Variants in SARNP observed in about 807,000 individuals in gnomAD.
The protein encoded by SARNP is SAP domain-containing ribonucleoprotein.
A neutral mutation model predicts 38.1 loss-of-function variants in SARNP; 5 were observed. That is an observed-to-expected ratio of 0.13 (90% confidence interval 0.07 to 0.28). SARNP has a LOEUF of 0.28. Among genes scored for constraint, SARNP ranks in the 10% least tolerant of loss-of-function variants. The pLI is 1.00. For synonymous variants in SARNP, 84 were observed against 80.6 expected, an observed-to-expected ratio of 1.04 and a Z score of -0.23; for missense variants, 180 against 243.9, an observed-to-expected ratio of 0.74 and a Z score of 1.75.
At chr12:55,756,435 T>G (rs1312717866), downstream of SARNP, 1 of 152,166 alleles carries the variant, frequency 6.6e-6, no homozygotes, top group Non-Finnish European at 1.5e-5. Context: ...GTGATCAAAC[T>G]ATTACCATTT....
chr12:55,772,854 AC>A (rs1879050499), intron 9 of SARNP, among the ~76,000 whole-genome samples: 1 of 151,578 alleles, frequency 6.6e-6, no homozygotes, highest in South Asian at 2.1e-4. Flanking sequence ...AGCTGGGATT[AC>A]AGGCACGCAA....
At chr12:55,788,744 G>A (rs753176281) in intron 9 of SARNP, among the ~76,000 whole-genome samples, 6 of 152,136 alleles carry the variant, frequency 3.9e-5, no homozygotes, top group Non-Finnish European at 8.8e-5. Flanking sequence ...AGCCTGCAGT[G>A]AGCCGTGATC....
At chr12:55,795,724 C>A (rs1156910001) in intron 5 of SARNP, among the ~76,000 whole-genome samples, 1 of 152,122 alleles carries the variant, frequency 6.6e-6, no homozygotes, top group Non-Finnish European at 1.5e-5. Flanking sequence ...GTCACATCTA[C>A]CAATACATTT....
At chr12:55,812,030 T>C (rs1880342512) in intron 1 of SARNP, among the ~76,000 whole-genome samples, 1 of 152,186 alleles carries the variant, frequency 6.6e-6, no homozygotes, top group South Asian at 2.1e-4. Context: ...GTCACTCCTC[T>C]AGTCAAACAT....
At chr12:55,759,638 A>G (rs761722782) in intron 10 of SARNP, among the ~76,000 whole-genome samples, 1 of 152,150 alleles carries the variant, frequency 6.6e-6, no homozygotes, top group Non-Finnish European at 1.5e-5. Flanking sequence ...ATGGGGTTTC[A>G]CCATGTTGGC....
chr12:55,760,422 G>A, intron 10 of SARNP, 129 bp downstream of exon 10: 4 of 615,648 alleles, frequency 6.5e-6, no homozygotes, highest in Non-Finnish European at 1.1e-5. Flanking sequence ...GGGCAACAGA[G>A]ACCCCAACTC....
At chr12:55,778,950 G>A (rs1055897672) in intron 9 of SARNP, among the ~76,000 whole-genome samples, 8 of 152,132 alleles carry the variant, frequency 5.3e-5, no homozygotes, top group African/African-American at 1.4e-4. Context: ...CAGCCTGGGC[G>A]ACAGGGCGAG....
downstream of SARNP, chr12:55,756,246 T>G (rs1313000625): frequency 6.6e-6 from 1 of 152,188 alleles, no homozygotes; most frequent in African/African-American, 2.4e-5. Context: ...TAACCAGCAT[T>G]CCCTTTTGTT....
intron 1 of SARNP, among the ~76,000 whole-genome samples, chr12:55,804,623 C>T (rs939040498): frequency 1.3e-5 from 2 of 152,098 alleles, no homozygotes; most frequent in Admixed American, 1.3e-4. Flanking sequence ...GTATGATTTG[C>T]TACCTATAAG....
Position 55,798,319 on chromosome 12 carries a change from G to A in SARNP, c.251+2243C>T, listed in dbSNP as rs560850430. Reference sequence around the variant, plus strand: ...TTGAGACCAGCCTGGCAAACACGGCGAAACCCCATCTCTACAAAAAATACA... The same window carrying A: ...TTGAGACCAGCCTGGCAAACACGGCAAAACCCCATCTCTACAAAAAATACA... On this transcript the variant is annotated intron_variant, in intron 4 of 10. Coordinates refer to ENST00000336133, the MANE Select transcript of SARNP (RefSeq NM_033082.4). Among the ~76,000 whole-genome samples, 3 of 152,208 alleles carry A rather than the reference G, an allele frequency of 2.0e-5. No homozygotes were observed. In the South Asian group the frequency reaches 6.2e-4, roughly 32 times the overall value.
At chr12:55,789,439 A>G (rs1879598208) in intron 8 of SARNP, among the ~76,000 whole-genome samples, 1 of 152,180 alleles carries the variant, frequency 6.6e-6, no homozygotes, top group Non-Finnish European at 1.5e-5. Flanking sequence ...ACATGTCTAA[A>G]TCATCACCTC....
chr12:55,757,407 G>T lies in SARNP; in HGVS notation c.*105C>A. The T allele has an allele frequency of 3.4e-6, 3 of 878,304 alleles. No individual in the cohort carries two copies. The highest frequency in any genetic ancestry group is 2.8e-5 in the East Asian group (1 of 35,300). 54.4% of individuals were successfully genotyped at this position (878,304 alleles called of 1,614,324 possible). A position where few individuals can be genotyped will look rare whatever the true frequency, so the allele number is the denominator to read the frequency against. On this transcript the variant is annotated 3_prime_UTR_variant, in exon 11 of 11. Coordinates refer to ENST00000336133, the MANE Select transcript of SARNP (RefSeq NM_033082.4). Reference sequence around the variant, plus strand: ...CCTGGGGTACATGCTCCCTCATTGCGAGGCAGGACGTAGGCACATGACTGT... The same window carrying T: ...CCTGGGGTACATGCTCCCTCATTGCTAGGCAGGACGTAGGCACATGACTGT...
intron 9 of SARNP, among the ~76,000 whole-genome samples, chr12:55,777,153 G>A (rs1481340147): frequency 6.6e-6 from 1 of 152,110 alleles, no homozygotes; most frequent in Non-Finnish European, 1.5e-5. Context: ...AAGTTCTTCA[G>A]GTGCAAATTC....
At chr12:55,790,901 T>C (rs1178605562) in intron 7 of SARNP, among the ~76,000 whole-genome samples, 3 of 152,314 alleles carry the variant, frequency 2.0e-5, no homozygotes, top group Middle Eastern at 3.4e-3. Flanking sequence ...TGTACATAAA[T>C]GTTCACAGCA....
chr12:55,778,722 A>G (rs931115817), intron 9 of SARNP, among the ~76,000 whole-genome samples: 8 of 152,226 alleles, frequency 5.3e-5, no homozygotes, highest in African/African-American at 1.4e-4. Context: ...CTGTAATCCC[A>G]GCACTTTGGG....
chr12:55,759,951 T>A (rs966723308), intron 10 of SARNP, among the ~76,000 whole-genome samples: 2 of 151,930 alleles, frequency 1.3e-5, no homozygotes, highest in Non-Finnish European at 2.9e-5. Context: ...TTGCCCAGGC[T>A]GGTCTCAAAC....
chr12:55,767,848 GAAAAAAAA>G (rs767928003), intron 9 of SARNP, among the ~76,000 whole-genome samples: 2 of 35,394 alleles, frequency 5.7e-5, no homozygotes, highest in Non-Finnish European at 1.2e-4. Flanking sequence ...CTCCCTCTCA[GAAAAAAAA>G]AAAAAAAAAA....
chr12:55,753,872 A>G (rs1222880564), downstream of SARNP: 2 of 151,632 alleles, frequency 1.3e-5, no homozygotes, highest in Non-Finnish European at 2.9e-5. Context: ...ACTTGAGGCC[A>G]GAGGGTCAAG....
At chr12:55,812,969 C>T (rs756264515) in intron 1 of SARNP, among the ~76,000 whole-genome samples, 3 of 151,486 alleles carry the variant, frequency 2.0e-5, no homozygotes, top group Non-Finnish European at 2.9e-5. Context: ...TTTTTTGAGA[C>T]GGAGTCTCAC....
Sources: gnomAD v4.1 joint callset for allele counts (sites outside exome capture counted in the v4.1 genomes callset) on GRCh38, gnomAD v4.1.1 for gene constraint, MANE v1.5 for transcripts, NCBI Gene and HGNC (gene_info 2026-07-23, HGNC 2026-07-21) for gene names.